SH3GL1: variants seen among roughly 807,000 people sequenced by gnomAD.
The protein encoded by SH3GL1 is endophilin-A2.
In SH3GL1, 21 loss-of-function variants were observed where a neutral mutation model predicts 48.8. The observed-to-expected ratio is 0.43, with a 90% CI of 0.30 to 0.62. The LOEUF is 0.62. Among genes scored for constraint, SH3GL1 ranks in the 20% least tolerant of loss-of-function variants. SH3GL1 has a pLI of 0.11. For missense variants in SH3GL1, 454 were observed against 503.0 expected, an observed-to-expected ratio of 0.90 and a Z score of 0.93; for synonymous variants, 282 against 217.5, an observed-to-expected ratio of 1.30 and a Z score of -2.61.
At chr19:4,368,798 G>A (rs898830007) in intron 1 of SH3GL1, among the ~76,000 whole-genome samples, 2 of 152,186 alleles carry the variant, frequency 1.3e-5, no homozygotes, top group Admixed American at 6.5e-5. Context: ...TTGGCCGGGC[G>A]CGGTGACTCA....
intron 1 of SH3GL1, among the ~76,000 whole-genome samples, chr19:4,386,699 G>T (rs1405612707): frequency 6.6e-6 from 1 of 151,850 alleles, no homozygotes; most frequent in East Asian, 1.9e-4. Context: ...CCTTTCCCCA[G>T]GCACTCAGGA....
chr19:4,386,867 C>A (rs1420802282), intron 1 of SH3GL1, among the ~76,000 whole-genome samples: 1 of 152,202 alleles, frequency 6.6e-6, no homozygotes, highest in Non-Finnish European at 1.5e-5. Flanking sequence ...AGCGTGGCAG[C>A]TAACACAAGC....
At position 4,383,379 on chromosome 19, in the gene SH3GL1, TA is replaced by T. The variant is rs756554618; in HGVS notation, c.46-16386del. ...ACAGGCGTGCATCACCACACAGAGTTATTTTTTTTTTTATTTTTTATTTTTT... is the reference window on the plus strand; with the variant it reads ...ACAGGCGTGCATCACCACACAGAGTTTTTTTTTTTTTATTTTTTATTTTTT... On this transcript the variant is annotated intron_variant, in intron 1 of 9. Transcript: ENST00000269886. 5.4e-4 allele frequency among the ~76,000 whole-genome samples: 82 copies of T among 151,874 alleles called. No homozygotes were observed. In the East Asian group the frequency reaches 0.012, roughly 23 times the overall value.
rs542235565 is a variant in SH3GL1, at chr19:4,367,864, C to A, written c.46-870G>T. On this transcript the variant is annotated intron_variant, in intron 1 of 9. Transcript: ENST00000269886. This position sits in a 1 kb window ranked among gnomAD's most constrained non-coding sequence, Gnocchi z 4.2. ...TTCACCCCACGTATCCCATGTGTGC[C>A]TGGCGCCAAGGGATGCCGCACAGAG... Among the ~76,000 whole-genome samples the A allele has an allele frequency of 6.6e-6, 1 of 152,346 alleles. No homozygotes were observed. Among genetic ancestry groups the A allele is most frequent in the Non-Finnish European group, 1.5e-5 (1 of 68,026 alleles).
intron 1 of SH3GL1, among the ~76,000 whole-genome samples, chr19:4,377,802 G>C (rs1456506783): frequency 4.6e-5 from 7 of 152,216 alleles, no homozygotes; most frequent in Non-Finnish European, 1.0e-4. Flanking sequence ...CAGAATTGCT[G>C]ACCACGGCCT....
At chr19:4,381,689 CTTTTTTTT>C (rs71166991) in intron 1 of SH3GL1, among the ~76,000 whole-genome samples, 1 of 35,190 alleles carries the variant, frequency 2.8e-5, no homozygotes, top group East Asian at 1.5e-3. Context: ...CCCCACACGC[CTTTTTTTT>C]TTTTTTTTTT....
intron 1 of SH3GL1, among the ~76,000 whole-genome samples, chr19:4,377,254 G>A (rs1242868018): frequency 6.6e-6 from 1 of 152,248 alleles, no homozygotes; most frequent in Non-Finnish European, 1.5e-5. Flanking sequence ...GGTCTGGGCG[G>A]ATAGGACACG....
intron 1 of SH3GL1, among the ~76,000 whole-genome samples, chr19:4,398,290 TG>T (rs1183404337): frequency 6.6e-6 from 1 of 152,168 alleles, no homozygotes; most frequent in African/African-American, 2.4e-5. Flanking sequence ...CTAAGATCAT[TG>T]CTCATTCCTC....
intron 4 of SH3GL1, chr19:4,364,597 A>G: frequency 3.7e-6 from 1 of 268,750 alleles, no homozygotes; most frequent in South Asian, 4.0e-5. Flanking sequence ...CATCCAGCTA[A>G]TTTTTGTATT....
At chr19:4,377,041 T>C (rs1973022797) in intron 1 of SH3GL1, among the ~76,000 whole-genome samples, 1 of 152,224 alleles carries the variant, frequency 6.6e-6, no homozygotes, top group African/African-American at 2.4e-5. Context: ...ACGGTTCACC[T>C]GGGCTGACAC....
intron 1 of SH3GL1, among the ~76,000 whole-genome samples, chr19:4,373,960 C>T (rs935694884): frequency 2.6e-5 from 4 of 152,240 alleles, no homozygotes; most frequent in African/African-American, 4.8e-5. Flanking sequence ...CCATTCATGC[C>T]GTCTCTCAGG....
chr19:4,400,437 T>C lies in SH3GL1; in HGVS notation c.-69A>G. 1 of 1,431,970 alleles carries C rather than the reference T, an allele frequency of 7.0e-7. No homozygotes were observed. The highest frequency in any genetic ancestry group is 9.2e-7 in the Non-Finnish European group (1 of 1,091,420). The allele number at this position is 1,431,970 out of a possible 1,614,324, so 88.7% of individuals were successfully genotyped here. A position where few individuals can be genotyped will look rare whatever the true frequency, so the allele number is the denominator to read the frequency against. On this transcript the variant is annotated 5_prime_UTR_variant, in exon 1 of 10. Transcript: ENST00000269886. The surrounding 1 kb of genome is among the most constrained non-coding windows in gnomAD (Gnocchi z 4.1). ...ACAGGCTCCCGGGCGCCGCCGACCC[T>C]CTGCGCGCCTCAGCAGTCCCCGTCG...
At position 4,367,434 on chromosome 19, in the gene SH3GL1, A is replaced by G. The variant is rs1257049945; in HGVS notation, c.46-440T>C. Among the ~76,000 whole-genome samples the G allele has an allele frequency of 6.6e-6, 1 of 151,894 alleles. No individual in the cohort carries two copies. ...ATGTGGGGTCTACTTAAAAAAAAAAATCCTGCCAGCTTGGCTGGGAGAGGC... is the reference window on the plus strand; with the variant it reads ...ATGTGGGGTCTACTTAAAAAAAAAAGTCCTGCCAGCTTGGCTGGGAGAGGC... On this transcript the variant is annotated intron_variant, in intron 1 of 9. Transcript: ENST00000269886. The surrounding 1 kb of genome is among the most constrained non-coding windows in gnomAD (Gnocchi z 4.2).
intron 9 of SH3GL1, among the ~76,000 whole-genome samples, 194 bp from the exon 10 acceptor site, chr19:4,361,990 C>A (rs906903976): frequency 9.9e-6 from 1 of 100,604 alleles, no homozygotes; most frequent in Non-Finnish European, 2.0e-5. Flanking sequence ...ATGGGAGAAG[C>A]TTGGTTTAAG....
intron 1 of SH3GL1, among the ~76,000 whole-genome samples, chr19:4,388,145 C>T (rs1973270202): frequency 6.6e-6 from 1 of 152,152 alleles, no homozygotes; most frequent in African/African-American, 2.4e-5. Context: ...AGGTGTGAGC[C>T]ATCGTGTCCG....
chr19:4,400,045 G>T lies in SH3GL1; in HGVS notation c.45+279C>A, dbSNP rs1234854429. 6.6e-6 allele frequency among the ~76,000 whole-genome samples: 1 copy of T among 152,106 alleles called. No homozygotes were observed. The highest frequency in any genetic ancestry group is 1.5e-5 in the Non-Finnish European group (1 of 67,976). ...TCTCCCCGCACCCCGCCTTTGCAGC[G>T]GAGAGAAGGAGGGGAGAGGTCCGCG... On this transcript the variant is annotated intron_variant, in intron 1 of 9. Coordinates refer to ENST00000269886, the MANE Select transcript of SH3GL1 (RefSeq NM_003025.4). The surrounding 1 kb of genome is among the most constrained non-coding windows in gnomAD (Gnocchi z 4.1).
chr19:4,376,451 C>T lies in SH3GL1; in HGVS notation c.46-9457G>A, dbSNP rs1973010431. On this transcript the variant is annotated intron_variant, in intron 1 of 9. Transcript: ENST00000269886. The surrounding 1 kb of genome is among the most constrained non-coding windows in gnomAD (Gnocchi z 4.3). ...GGTGGTTTCTGTTTGGCCTCCAGTG[C>T]TTGCCTCTCCCGTGTCCTATCCGCC... 6.6e-6 allele frequency among the ~76,000 whole-genome samples: 1 copy of T among 152,268 alleles called. No homozygotes were observed. Among genetic ancestry groups the T allele is most frequent in the South Asian group, 2.1e-4 (1 of 4,824 alleles).
chr19:4,366,431 C>G (rs1425545755), intron 3 of SH3GL1, 70 bp downstream of exon 3: 1 of 1,255,876 alleles, frequency 8.0e-7, no homozygotes, highest in Non-Finnish European at 1.1e-6. Context: ...GTTCTGTCAT[C>G]CCCTGCCTTC....
At chr19:4,399,275 G>A (rs1458963376) in intron 1 of SH3GL1, among the ~76,000 whole-genome samples, 1 of 127,552 alleles carries the variant, frequency 7.8e-6, no homozygotes, top group Non-Finnish European at 1.5e-5. Flanking sequence ...AGCCGAGATT[G>A]CACCACTGCC....
Sources: allele counts gnomAD v4.1 joint callset (sites outside exome capture counted in the v4.1 genomes callset), GRCh38; gene constraint gnomAD v4.1.1; non-coding constraint Gnocchi (gnomAD v3.1); transcripts MANE v1.5; gene names NCBI Gene and HGNC (gene_info 2026-07-23, HGNC 2026-07-21).